Variants in FHIT observed in about 807,000 individuals in gnomAD.
FHIT encodes the protein fragile histidine triad diadenosine triphosphatase, also known as bis(5'-adenosyl)-triphosphatase.
In FHIT, 19 loss-of-function variants were observed where a neutral mutation model predicts 17.9. The observed-to-expected ratio is 1.06, with a 90% confidence interval of 0.74 to 1.56. FHIT has a LOEUF of 1.56. Among genes scored for constraint, FHIT ranks in the 40% most tolerant of loss-of-function variants. The pLI is 0.00. For synonymous variants in FHIT, 81 were observed against 69.7 expected (o/e 1.16, Z -0.81); for missense variants, 248 against 189.2 (o/e 1.31, Z -1.82).
intron 5 of FHIT, among the ~76,000 whole-genome samples, chr3:60,309,721 T>C (rs945950824): frequency 6.6e-6 from 1 of 152,088 alleles, no homozygotes; most frequent in Admixed American, 6.6e-5. Flanking sequence ...TATACCATAG[T>C]TGCTTGCTTC....
At chr3:60,442,312 T>C (rs992149456) in intron 5 of FHIT, among the ~76,000 whole-genome samples, 1 of 152,104 alleles carries the variant, frequency 6.6e-6, no homozygotes, top group African/African-American at 2.4e-5. Flanking sequence ...CTTCTGGTGG[T>C]GGGAAGATGG....
intron 4 of FHIT, among the ~76,000 whole-genome samples, chr3:60,597,538 A>G (rs2038308849): frequency 6.6e-6 from 1 of 152,086 alleles, no homozygotes; most frequent in Admixed American, 6.6e-5. Flanking sequence ...AATAATCACC[A>G]TGCAAAGAAA....
intron 5 of FHIT, chr3:60,077,408 A>C (rs1170413864): frequency 6.6e-6 from 1 of 151,976 alleles, no homozygotes; most frequent in Non-Finnish European, 1.5e-5. Flanking sequence ...CCATTCTCCA[A>C]AAAATAAAAA....
chr3:59,980,415 C>G (rs1222287643), intron 7 of FHIT, among the ~76,000 whole-genome samples: 2 of 152,160 alleles, frequency 1.3e-5, no homozygotes, highest in Non-Finnish European at 2.9e-5. Flanking sequence ...TTGCCCAGTT[C>G]CTGAAGGTAT....
chr3:60,639,091 A>G (rs2039662194), intron 4 of FHIT, among the ~76,000 whole-genome samples: 1 of 147,818 alleles, frequency 6.8e-6, no homozygotes, highest in Admixed American at 6.8e-5. Context: ...GTAGGCAAAG[A>G]AAGCCCACTG....
At chr3:60,091,286 A>C (rs1241103845) in intron 5 of FHIT, among the ~76,000 whole-genome samples, 1 of 152,204 alleles carries the variant, frequency 6.6e-6, no homozygotes, top group Admixed American at 6.5e-5. Flanking sequence ...GAAGGAAGAA[A>C]AATGCTTTGA....
At chr3:60,036,715 T>C (rs770756996) in intron 5 of FHIT, among the ~76,000 whole-genome samples, 3 of 152,152 alleles carry the variant, frequency 2.0e-5, no homozygotes, top group Admixed American at 6.5e-5. Context: ...TCAGGGTGCA[T>C]ACAAAGAGAG....
At chr3:60,874,809 G>T (rs1704571031) in intron 3 of FHIT, among the ~76,000 whole-genome samples, 1 of 152,050 alleles carries the variant, frequency 6.6e-6, no homozygotes, top group Non-Finnish European at 1.5e-5. Context: ...TCAACATCAA[G>T]TCACCTCTGA....
intron 3 of FHIT, among the ~76,000 whole-genome samples, chr3:60,831,191 T>A (rs1272895999): frequency 6.6e-6 from 1 of 152,188 alleles, no homozygotes; most frequent in Non-Finnish European, 1.5e-5. Context: ...TTATATATAA[T>A]GAGGAGATTC....
intron 3 of FHIT, among the ~76,000 whole-genome samples, chr3:60,863,197 G>A (rs1703999694): frequency 1.3e-5 from 2 of 152,188 alleles, no homozygotes; most frequent in African/African-American, 4.8e-5. Context: ...AGAGGCCTGA[G>A]GGAGCTAAGG....
intron 5 of FHIT, among the ~76,000 whole-genome samples, chr3:60,033,865 C>T (rs994506169): frequency 2.0e-5 from 3 of 152,200 alleles, no homozygotes; most frequent in African/African-American, 7.2e-5. Context: ...GTATTAGCAT[C>T]ATCAACATTA....
At chr3:60,382,946 T>C (rs1280444722) in intron 5 of FHIT, among the ~76,000 whole-genome samples, 4 of 152,192 alleles carry the variant, frequency 2.6e-5, no homozygotes, top group Non-Finnish European at 5.9e-5. Context: ...CTCTTGGTAA[T>C]GTCACGACTA....
At chr3:60,177,686 C>A (rs993361359) in intron 5 of FHIT, among the ~76,000 whole-genome samples, 1 of 152,146 alleles carries the variant, frequency 6.6e-6, no homozygotes, top group Non-Finnish European at 1.5e-5. Context: ...TTTTACTGTG[C>A]ATTTAGCAAT....
At chr3:59,791,331 G>T (rs541778367) in intron 8 of FHIT, among the ~76,000 whole-genome samples, 22 of 152,246 alleles carry the variant, frequency 1.4e-4, no homozygotes, top group Admixed American at 6.5e-4. Context: ...CGGGGGTGGG[G>T]TGGGGGAAAC....
In FHIT at chr3:60,040,614, A is replaced by G. The variant is rs867809056; in HGVS notation, c.104-26462T>C. Among the ~76,000 whole-genome samples the G allele has an allele frequency of 5.3e-5, 8 of 152,118 alleles. No individual in the cohort carries two copies. The East Asian group carries it at 1.5e-3, about 29-fold the overall frequency. On this transcript the variant is annotated intron_variant, in intron 5 of 9. Transcript: ENST00000492590. ...GGTTCTGGCTCTCTCATGCTTCAGA[A>G]TCTGTGAAATTGGTTCGGAGGGCTT... is the stretch of plus-strand genomic sequence containing the variant.
At chr3:59,938,863 C>T (rs1021870619) in intron 7 of FHIT, among the ~76,000 whole-genome samples, 9 of 152,084 alleles carry the variant, frequency 5.9e-5, no homozygotes, top group African/African-American at 2.2e-4. Context: ...TAAATGACTC[C>T]GATTAGGACA....
chr3:60,960,461 T>C (rs901199545), intron 3 of FHIT, among the ~76,000 whole-genome samples: 1 of 152,234 alleles, frequency 6.6e-6, no homozygotes, highest in South Asian at 2.1e-4. Context: ...CTAGGGTACA[T>C]GTGCACAACG....
At chr3:60,927,577 G>T (rs1182290279) in intron 3 of FHIT, among the ~76,000 whole-genome samples, 1 of 151,402 alleles carries the variant, frequency 6.6e-6, no homozygotes, top group African/African-American at 2.4e-5. Context: ...TGGGATGTGG[G>T]GAGCGCCTCT....
Position 60,946,697 on chromosome 3 carries a change from G to A in FHIT, c.-111+95350C>T, listed in dbSNP as rs574285737. On this transcript the variant is annotated intron_variant, in intron 3 of 9. Coordinates refer to ENST00000492590, the MANE Select transcript of FHIT (RefSeq NM_002012.4). The stretch of plus-strand genomic sequence containing the variant: ...AAAGCCTCTGCGGAGGAAGAGAAAA[G>A]GAACTGTCTAGAAGTGACAATGAAC... Among the ~76,000 whole-genome samples, 28 of 152,200 alleles carry A rather than the reference G, an allele frequency of 1.8e-4. No individual in the cohort carries two copies. In the East Asian group the frequency reaches 1.9e-3, roughly 11 times the overall value.
Sources: gnomAD v4.1 joint callset for allele counts (sites outside exome capture counted in the v4.1 genomes callset) on GRCh38, gnomAD v4.1.1 for gene constraint, MANE v1.5 for transcripts, NCBI Gene and HGNC (gene_info 2026-07-23, HGNC 2026-07-21) for gene names.